The following FSTL4 variants were observed in gnomAD, a reference collection of about 807,000 sequenced individuals.
FSTL4 encodes follistatin like 4, also known as follistatin-related protein 4.
In FSTL4, 28 loss-of-function variants were observed where a neutral mutation model predicts 78.2. That is an observed-to-expected ratio of 0.36 (90% CI 0.27 to 0.49). The LOEUF is 0.49. FSTL4 is among the 20% of genes least tolerant of loss of function. The pLI, the probability that FSTL4 is intolerant of heterozygous loss-of-function variation, is 0.98. For synonymous variants in FSTL4, 422 were observed against 440.5 expected (o/e 0.96, Z 0.53); for missense variants, 922 against 1,084.9 (o/e 0.85, Z 2.11).
chr5:133,728,899 A>G, the FSTL4 span, among the ~76,000 whole-genome samples: 1 of 152,236 alleles, frequency 6.6e-6, no homozygotes, highest in Non-Finnish European at 1.5e-5. Context: ...TCAGAAGGAT[A>G]AAGTGTAGCT....
chr5:133,388,845 A>AT (rs148252036), intron 4 of FSTL4, among the ~76,000 whole-genome samples: 26,561 of 150,384 alleles, frequency 0.18, 2,584 homozygotes, highest in Middle Eastern at 0.34. Flanking sequence ...CTCCCACAGT[A>AT]TTTTTTAAAT....
At chr5:133,211,185 T>C (rs1011407235) in intron 13 of FSTL4, among the ~76,000 whole-genome samples, 22 of 152,244 alleles carry the variant, frequency 1.4e-4, no homozygotes, top group African/African-American at 4.8e-4. Flanking sequence ...CCTGATGATA[T>C]AGCTTCTCCT....
chr5:133,454,245 A>T (rs1309677823), intron 3 of FSTL4, among the ~76,000 whole-genome samples: 1 of 152,246 alleles, frequency 6.6e-6, no homozygotes, highest in East Asian at 1.9e-4. Context: ...TTGGTTTTGC[A>T]ATAAAGCATG....
At chr5:133,246,936 C>T (rs919335735) in intron 7 of FSTL4, 6 of 152,300 alleles carry the variant, frequency 3.9e-5, no homozygotes, top group African/African-American at 1.4e-4. Context: ...ATCCCCATTT[C>T]ACAGAAGGGA....
At chr5:133,272,740 C>A (rs1243818668) in intron 6 of FSTL4, among the ~76,000 whole-genome samples, 2 of 152,232 alleles carry the variant, frequency 1.3e-5, no homozygotes, top group African/African-American at 2.4e-5. Flanking sequence ...GAGTGCGCTG[C>A]ATTAGCACTA....
intron 3 of FSTL4, among the ~76,000 whole-genome samples, chr5:133,467,252 ATGTGAGTGTGTG>A (rs1757734291): frequency 8.0e-6 from 1 of 124,356 alleles, no homozygotes; most frequent in African/African-American, 3.7e-5. Flanking sequence ...GAATGAGTAT[ATGTGAGTGTGTG>A]TGTGTGTGTG....
the FSTL4 span, among the ~76,000 whole-genome samples, chr5:133,755,864 C>T: frequency 1.3e-5 from 2 of 152,222 alleles, no homozygotes; most frequent in Non-Finnish European, 2.9e-5. Context: ...CTTCTCTTCC[C>T]AGGGAGAAAA....
chr5:133,202,126 AC>A (rs1374015380), intron 14 of FSTL4, 84 bp from the exon 15 acceptor site: 2 of 813,516 alleles, frequency 2.5e-6, no homozygotes, highest in Non-Finnish European at 2.0e-6. Flanking sequence ...AGGTGGAGTC[AC>A]CCCGGCAGAG....
chr5:133,316,642 G>A lies in FSTL4; in HGVS notation c.420C>T (p.Cys140=). 6.2e-7 allele frequency: 1 copy of A among 1,609,508 alleles called. No individual in the cohort carries two copies. Among genetic ancestry groups the A allele is most frequent in the East Asian group, 2.2e-5 (1 of 44,742 alleles). ...TCAAGCGGGCGTAGCCGGCCATGGT[G>A]CACGTGTCACCTGAAAGAGAAGGTG... ...SKDCFLKGDT[C]TMAGYARLKN... is the part of the protein sequence containing the mutation. Residue 140 remains cysteine, a synonymous_variant, in exon 5 of 16, where the codon TGC becomes TGT. Coordinates refer to ENST00000265342, the MANE Select transcript of FSTL4 (RefSeq NM_015082.2).
chr5:133,529,112 C>T (rs1428565727), intron 3 of FSTL4, among the ~76,000 whole-genome samples: 8 of 152,146 alleles, frequency 5.3e-5, no homozygotes. Context: ...AAGACAGCTG[C>T]CTTGACAATC....
At chr5:133,472,952 T>G (rs1284279493) in intron 3 of FSTL4, among the ~76,000 whole-genome samples, 2 of 152,256 alleles carry the variant, frequency 1.3e-5, no homozygotes, top group Non-Finnish European at 1.5e-5. Flanking sequence ...CTGTTCACCT[T>G]GCCTGGACTC....
At chr5:133,707,351 T>G in the FSTL4 span, among the ~76,000 whole-genome samples, 4 of 152,204 alleles carry the variant, frequency 2.6e-5, no homozygotes, top group African/African-American at 9.7e-5. Flanking sequence ...CAAAATCCTC[T>G]GGAGCCTGCC....
chr5:133,302,722 T>A (rs1019619591), intron 6 of FSTL4, among the ~76,000 whole-genome samples: 6 of 152,244 alleles, frequency 3.9e-5, no homozygotes, highest in Non-Finnish European at 7.3e-5. Flanking sequence ...CAGACCACTG[T>A]GTGGAACCAT....
rs774861386 is a variant in FSTL4, at chr5:133,225,223, G to C, written c.1239C>G (p.Cys413Trp). ...VRYEDTGAYTCIAKNEVGVDE... is the reference protein window; with the variant it reads ...VRYEDTGAYTWIAKNEVGVDE... The stretch of plus-strand genomic sequence containing the variant: ...CCACACCCACTTCATTTTTGGCAAT[G>C]CAGGTGTATGCCCCTGTGTCTTCAT... Residue 413 changes from cysteine to tryptophan, a missense_variant, in exon 10 of 16, where the codon TGC becomes TGG. Transcript: ENST00000265342. This position sits in a 1 kb window ranked among gnomAD's most constrained non-coding sequence, Gnocchi z 4.6. The C allele has an allele frequency of 6.2e-7, 1 of 1,613,954 alleles. No individual in the cohort carries two copies. Among genetic ancestry groups the C allele is most frequent in the Non-Finnish European group, 8.5e-7 (1 of 1,179,790 alleles).
the FSTL4 span, among the ~76,000 whole-genome samples, chr5:133,831,414 C>G: frequency 6.6e-6 from 1 of 152,084 alleles, no homozygotes; most frequent in Non-Finnish European, 1.5e-5. Flanking sequence ...ACCAGCTCAT[C>G]CCCACCCGAG....
At chr5:133,333,809 C>T (rs1414586397) in intron 4 of FSTL4, among the ~76,000 whole-genome samples, 1 of 152,214 alleles carries the variant, frequency 6.6e-6, no homozygotes, top group Non-Finnish European at 1.5e-5. Flanking sequence ...GTGTCTGAGA[C>T]TGAAGGGAAA....
intron 4 of FSTL4, among the ~76,000 whole-genome samples, chr5:133,372,772 A>G (rs953499165): frequency 1.3e-5 from 2 of 152,160 alleles, no homozygotes; most frequent in African/African-American, 4.8e-5. Context: ...GTGGCATTTT[A>G]TGGTGCGAAC....
intron 8 of FSTL4, among the ~76,000 whole-genome samples, chr5:133,229,290 G>A (rs892287218): frequency 2.0e-5 from 3 of 152,244 alleles, no homozygotes; most frequent in African/African-American, 7.2e-5. Flanking sequence ...GGGAGGCTGA[G>A]GTGGGCGGAT....
chr5:133,392,717 G>T (rs770394087), intron 4 of FSTL4, among the ~76,000 whole-genome samples: 1 of 152,120 alleles, frequency 6.6e-6, no homozygotes, highest in African/African-American at 2.4e-5. Flanking sequence ...AGACTAGGCC[G>T]CCAGCAACCA....
Sources: gnomAD v4.1 joint callset for allele counts (sites outside exome capture counted in the v4.1 genomes callset) on GRCh38, gnomAD v4.1.1 for gene constraint, Gnocchi (gnomAD v3.1) non-coding constraint, MANE v1.5 for transcripts, NCBI Gene and HGNC (gene_info 2026-07-23, HGNC 2026-07-21) for gene names.